The following OR51B5 variants were observed in gnomAD, a reference collection of about 807,000 sequenced individuals.
The protein encoded by OR51B5 is olfactory receptor 51B5.
For synonymous variants in OR51B5, 186 were observed against 144.8 expected (o/e 1.28, Z -2.04); for missense variants, 456 against 374.6 (o/e 1.22, Z -1.79).
At chr11:5,480,237 C>T (rs539116740) in intron 1 of OR51B5, among the ~76,000 whole-genome samples, 2 of 150,310 alleles carry the variant, frequency 1.3e-5, no homozygotes, top group African/African-American at 4.9e-5. Flanking sequence ...GGAAACTGAA[C>T]AACCTGCTCC....
intron 1 of OR51B5, among the ~76,000 whole-genome samples, chr11:5,468,238 A>T (rs1851167732): frequency 6.6e-6 from 1 of 152,076 alleles, no homozygotes; most frequent in Admixed American, 6.6e-5. Flanking sequence ...TCAGTTCAAG[A>T]CTCTCTTTCT....
chr11:5,369,997 T>C (rs561797704), intron 1 of OR51B5, among the ~76,000 whole-genome samples: 1 of 152,290 alleles, frequency 6.6e-6, no homozygotes, highest in African/African-American at 2.4e-5. Flanking sequence ...TGTCAATCTG[T>C]ATCAACAAGA....
intron 1 of OR51B5, among the ~76,000 whole-genome samples, chr11:5,479,916 G>C (rs1393633314): frequency 5.7e-5 from 8 of 140,272 alleles, no homozygotes; most frequent in Non-Finnish European, 1.1e-4. Context: ...AATAATGGGA[G>C]ACTTTAACAC....
chr11:5,347,449 C>G (rs1056669467), upstream of OR51B5, among the ~76,000 whole-genome samples: 1 of 152,112 alleles, frequency 6.6e-6, no homozygotes, highest in Non-Finnish European at 1.5e-5. Context: ...TTTAGCCTAC[C>G]AGAAGTTTTC....
At chr11:5,416,491 C>G (rs1422867473) in intron 1 of OR51B5, among the ~76,000 whole-genome samples, 13 of 151,596 alleles carry the variant, frequency 8.6e-5, no homozygotes, top group Non-Finnish European at 1.5e-5. Flanking sequence ...CAAATTGTCC[C>G]TGTTTGCAGA....
chr11:5,464,258 AC>A (rs1356822661), intron 1 of OR51B5, among the ~76,000 whole-genome samples: 2 of 152,258 alleles, frequency 1.3e-5, no homozygotes, highest in African/African-American at 4.8e-5. Flanking sequence ...TGATTTTAAC[AC>A]AAAAATCTGA....
At chr11:5,375,058 A>G (rs959808027) in intron 1 of OR51B5, among the ~76,000 whole-genome samples, 1 of 151,384 alleles carries the variant, frequency 6.6e-6, no homozygotes, top group Non-Finnish European at 1.5e-5. Context: ...GAAATGAAGG[A>G]AAAAATGTTA....
intron 1 of OR51B5, among the ~76,000 whole-genome samples, chr11:5,479,692 A>G (rs546453497): frequency 5.3e-5 from 8 of 151,094 alleles, no homozygotes; most frequent in African/African-American, 1.9e-4. Flanking sequence ...GGAAAACAAA[A>G]AAAGGCAGGG....
At chr11:5,363,518 G>C (rs1162618140) in intron 1 of OR51B5, among the ~76,000 whole-genome samples, 1 of 151,842 alleles carries the variant, frequency 6.6e-6, no homozygotes, top group African/African-American at 2.4e-5. Context: ...CCACCACTCA[G>C]CTCCATGAGG....
At chr11:5,400,522 C>A (rs1204692895) in intron 1 of OR51B5, among the ~76,000 whole-genome samples, 1 of 152,040 alleles carries the variant, frequency 6.6e-6, no homozygotes, top group African/African-American at 2.4e-5. Context: ...TAGGTCTTAG[C>A]TGAAATGCCA....
chr11:5,427,653 TG>T (rs1850470057), intron 1 of OR51B5, among the ~76,000 whole-genome samples: 1 of 152,228 alleles, frequency 6.6e-6, no homozygotes, highest in South Asian at 2.1e-4. Flanking sequence ...TGAATATCTT[TG>T]GAAATAATTT....
In OR51B5 at chr11:5,461,399, A is replaced by G. The variant is rs562398543; in HGVS notation, n.84+44170T>C. 3.5e-4 allele frequency among the ~76,000 whole-genome samples: 53 copies of G among 152,318 alleles called. 1 individual carries two copies. The South Asian group carries it at 0.011, about 31-fold the overall frequency. On this transcript the variant is annotated intron_variant and non_coding_transcript_variant, in intron 1 of 4. Transcript: ENST00000415970. ...AGCCACTGGCAAGCATTTTGGCAGG[A>G]CAGCTGAGACTGCACTGCAAGCTGG...
intron 1 of OR51B5, among the ~76,000 whole-genome samples, chr11:5,356,780 A>G (rs192588605): frequency 0.039 from 3,962 of 100,814 alleles, 817 homozygotes; most frequent in African/African-American, 0.11. Context: ...CAGATCTCTC[A>G]GCAGAAACTC....
intron 1 of OR51B5, among the ~76,000 whole-genome samples, chr11:5,370,855 G>A (rs1849437144): frequency 6.6e-6 from 1 of 152,208 alleles, no homozygotes; most frequent in African/African-American, 2.4e-5. Context: ...ACAAATGCGG[G>A]TTCTGAGAGG....
intron 1 of OR51B5, among the ~76,000 whole-genome samples, chr11:5,423,833 C>G (rs1402624816): frequency 6.6e-6 from 1 of 152,136 alleles, no homozygotes; most frequent in African/African-American, 2.4e-5. Context: ...TTTCACAGTT[C>G]CTACCTTGCT....
At chr11:5,491,477 GTGGAACAGAT>G (rs1207458179) in intron 1 of OR51B5, among the ~76,000 whole-genome samples, 1 of 152,176 alleles carries the variant, frequency 6.6e-6, no homozygotes, top group African/African-American at 2.4e-5. Context: ...GATCAGAGGG[GTGGAACAGAT>G]TGGAAGAGGA....
intron 1 of OR51B5, among the ~76,000 whole-genome samples, chr11:5,450,672 G>A (rs1378051134): frequency 6.6e-6 from 1 of 152,014 alleles, no homozygotes; most frequent in African/African-American, 2.4e-5. Flanking sequence ...CTTTGTTTAG[G>A]GGTACCTGTG....
intron 1 of OR51B5, among the ~76,000 whole-genome samples, chr11:5,377,869 C>G (rs1435992749): frequency 5.9e-5 from 9 of 151,950 alleles, no homozygotes; most frequent in Admixed American, 2.6e-4. Flanking sequence ...TCAATATCAT[C>G]AAAATGGCCA....
At chr11:5,364,091 T>C (rs973901311) in intron 1 of OR51B5, among the ~76,000 whole-genome samples, 7 of 152,062 alleles carry the variant, frequency 4.6e-5, no homozygotes, top group Non-Finnish European at 1.5e-5. Context: ...TGCAATAAGG[T>C]CGATTATAGA....
Sources: gnomAD v4.1 joint callset for allele counts (sites outside exome capture counted in the v4.1 genomes callset) on GRCh38, gnomAD v4.1.1 for gene constraint, MANE v1.5 for transcripts, NCBI Gene and HGNC (gene_info 2026-07-23, HGNC 2026-07-21) for gene names.